Variants in GRAP2 observed in about 807,000 individuals in gnomAD.
GRAP2 encodes the protein GRB2 related adaptor protein 2, also known as GRB2-related adapter protein 2.
GRAP2 carries 31 observed loss-of-function variants against 43.5 expected under a neutral mutation model. That is an observed-to-expected ratio of 0.71 (90% CI 0.54 to 0.96). GRAP2 has a LOEUF of 0.96. Among genes scored for constraint, GRAP2 ranks in the 40% least tolerant of loss-of-function variants. The probability of loss-of-function intolerance (pLI) is 0.00; values close to 1 mark genes in which losing one functional copy is unlikely to be tolerated. For missense variants in GRAP2, 371 were observed against 424.4 expected (o/e 0.87, Z 1.11); for synonymous variants, 156 against 164.8 (o/e 0.95, Z 0.41).
At chr22:39,918,602 T>G (rs1219257823) in intron 1 of GRAP2, among the ~76,000 whole-genome samples, 1 of 152,250 alleles carries the variant, frequency 6.6e-6, no homozygotes, top group Admixed American at 6.5e-5. Flanking sequence ...CTTGTTTGCC[T>G]CTACAATATA....
chr22:39,900,277 A>G (rs529955772), upstream of GRAP2, among the ~76,000 whole-genome samples: 2 of 152,334 alleles, frequency 1.3e-5, no homozygotes, highest in African/African-American at 2.4e-5. Context: ...TTGGTATTCC[A>G]GGGATTAATG....
At chr22:39,967,902 T>A in intron 5 of GRAP2, 140 bp from the exon 6 acceptor site, 1 of 1,089,070 alleles carries the variant, frequency 9.2e-7, no homozygotes, top group Non-Finnish European at 1.3e-6. Context: ...AAGCATCAAT[T>A]ATCTTTTAGC....
At chr22:39,933,272 C>A (rs2066774330) in intron 1 of GRAP2, among the ~76,000 whole-genome samples, 1 of 152,252 alleles carries the variant, frequency 6.6e-6, no homozygotes, top group Non-Finnish European at 1.5e-5. Context: ...CAGTGAGCAA[C>A]CTGCACAACC....
At chr22:39,902,449 GTAAA>G (rs924387783) in intron 1 of GRAP2, among the ~76,000 whole-genome samples, 8 of 152,252 alleles carry the variant, frequency 5.3e-5, no homozygotes, top group African/African-American at 1.4e-4. Flanking sequence ...GGAACACTGT[GTAAA>G]TAGAGGACCA....
At chr22:39,897,977 G>A (rs1386116692), upstream of GRAP2, among the ~76,000 whole-genome samples, 1 of 152,150 alleles carries the variant, frequency 6.6e-6, no homozygotes, top group Non-Finnish European at 1.5e-5. Flanking sequence ...ATCTCACTCA[G>A]AGTAAAATCC....
intron 1 of GRAP2, among the ~76,000 whole-genome samples, chr22:39,938,187 C>G (rs1436207835): frequency 6.6e-6 from 1 of 152,122 alleles, no homozygotes; most frequent in Non-Finnish European, 1.5e-5. Context: ...CTACCCCTCC[C>G]TCCAAAACCC....
chr22:39,902,135 A>T (rs1417480402), intron 1 of GRAP2, among the ~76,000 whole-genome samples: 1 of 152,274 alleles, frequency 6.6e-6, no homozygotes, highest in Non-Finnish European at 1.5e-5. Flanking sequence ...GAACATACAC[A>T]TCCCTAGATA....
chr22:39,916,640 C>T (rs1479994578), intron 1 of GRAP2, among the ~76,000 whole-genome samples: 1 of 152,150 alleles, frequency 6.6e-6, no homozygotes, highest in Admixed American at 6.5e-5. Flanking sequence ...TCTTAGATTC[C>T]CAGCTTAGTT....
chr22:39,964,336 C>T (rs1569215920), intron 4 of GRAP2: 7 of 699,382 alleles, frequency 1.0e-5, no homozygotes, highest in East Asian at 2.7e-5. Context: ...AAGAAGTTAT[C>T]GTCCAGTGGC....
intron 1 of GRAP2, among the ~76,000 whole-genome samples, chr22:39,928,585 C>T (rs1481120879): frequency 2.0e-5 from 3 of 152,198 alleles, no homozygotes; most frequent in African/African-American, 7.2e-5. Flanking sequence ...GGTTCCTCCC[C>T]ACTTGAAAGT....
Position 39,952,025 on chromosome 22 carries a change from T to TG in GRAP2, c.79-3794_79-3793insG, listed in dbSNP as rs1227984916. Among the ~76,000 whole-genome samples the TG allele has an allele frequency of 5.7e-3, 850 of 150,074 alleles. 6 individuals are homozygous for TG. Among genetic ancestry groups the TG allele is most frequent in the African/African-American group, 0.012 (488 of 40,780 alleles). On this transcript the variant is annotated intron_variant, in intron 2 of 7. Coordinates refer to ENST00000344138, the MANE Select transcript of GRAP2 (RefSeq NM_004810.4). ...ATGAAGTACAAAGTGTGTGGTTTTT[T>TG]TTTTTTTTTTTTTCTTTTTGAGACA...
In GRAP2 at chr22:39,901,185, G is replaced by A. The variant is rs180679560; in HGVS notation, c.-160G>A. The A allele has an allele frequency of 3.7e-4, 241 of 649,884 alleles. 1 individual carries two copies. The highest frequency in any genetic ancestry group is 4.0e-4 in the Non-Finnish European group (163 of 405,306). The allele number at this position is 649,884 out of a possible 1,614,324, so 40.3% of individuals were successfully genotyped here. ...GTAAACTTGCACCCTCTTTCAGAGTGGTACATGGAAGACAGCACAAAGTGG... is the reference window on the plus strand; with the variant it reads ...GTAAACTTGCACCCTCTTTCAGAGTAGTACATGGAAGACAGCACAAAGTGG... On this transcript the variant is annotated 5_prime_UTR_variant, in exon 1 of 8. Coordinates refer to ENST00000344138, the MANE Select transcript of GRAP2 (RefSeq NM_004810.4).
chr22:39,941,929 T>C (rs2066875504), intron 1 of GRAP2, among the ~76,000 whole-genome samples: 1 of 152,090 alleles, frequency 6.6e-6, no homozygotes, highest in Non-Finnish European at 1.5e-5. Flanking sequence ...AACAAATGTT[T>C]ATTTGGCCCA....
intron 1 of GRAP2, among the ~76,000 whole-genome samples, chr22:39,911,890 CTG>C (rs959337053): frequency 1.3e-5 from 2 of 151,890 alleles, no homozygotes; most frequent in Non-Finnish European, 2.9e-5. Flanking sequence ...AGAATCTAAA[CTG>C]TGAAAAAATT....
At position 39,970,913 on chromosome 22, in the gene GRAP2, G is replaced by A. The variant is rs759990292; in HGVS notation, c.822G>A (p.Arg274=). The part of the protein sequence containing the change: ...PVQLQAAGRV[R]WARALYDFEA... ...TGTGCTTCCCCCAACAGCGAGTGCG[G>A]TGGGCCCGGGCGCTGTATGACTTTG... Residue 274 remains arginine, a synonymous_variant, in exon 8 of 8, where the codon CGG becomes CGA. Transcript: ENST00000344138. 3 of 1,602,806 alleles carry A rather than the reference G, an allele frequency of 1.9e-6. No homozygotes were observed. In the South Asian group the frequency reaches 3.3e-5, roughly 18 times the overall value.
intron 1 of GRAP2, among the ~76,000 whole-genome samples, chr22:39,941,733 C>T (rs1370214942): frequency 6.6e-6 from 1 of 152,132 alleles, no homozygotes; most frequent in Non-Finnish European, 1.5e-5. Flanking sequence ...AAAAACACGG[C>T]GAGTCATTGT....
At chr22:39,964,495 G>A (rs2067151629) in intron 4 of GRAP2, 9 of 1,035,602 alleles carry the variant, frequency 8.7e-6, no homozygotes, top group South Asian at 1.3e-5. Flanking sequence ...GAAGAAACTC[G>A]AGGTGCTAAA....
chr22:39,964,012 A>C (rs1490371481), intron 4 of GRAP2: 1 of 182,770 alleles, frequency 5.5e-6, no homozygotes, highest in Non-Finnish European at 1.1e-5. Flanking sequence ...CGAGACTCTG[A>C]CTCAAAAAGA....
chr22:39,932,142 C>T (rs1421234488), intron 1 of GRAP2, among the ~76,000 whole-genome samples: 4 of 152,110 alleles, frequency 2.6e-5, no homozygotes, highest in South Asian at 2.1e-4. Context: ...CAGGGAAATT[C>T]GAGATGAAAG....
Sources: allele counts gnomAD v4.1 joint callset (sites outside exome capture counted in the v4.1 genomes callset), GRCh38; gene constraint gnomAD v4.1.1; transcripts MANE v1.5; gene names NCBI Gene and HGNC (gene_info 2026-07-23, HGNC 2026-07-21).